Variants in MGAT4C observed in about 807,000 individuals in gnomAD.
MGAT4C encodes alpha-1,3-mannosyl-glycoprotein 4-beta-N-acetylglucosaminyltransferase C.
A neutral mutation model predicts 40.1 loss-of-function variants in MGAT4C; 19 were observed. That is an observed-to-expected ratio of 0.47 (90% CI 0.33 to 0.70). The LOEUF (loss-of-function observed/expected upper bound fraction) is 0.70, where lower values mean the gene tolerates loss of function less well. MGAT4C is among the 30% of genes least tolerant of loss of function. MGAT4C has a pLI of 0.02. For synonymous variants in MGAT4C, 181 were observed against 187.1 expected, an observed-to-expected ratio of 0.97 and a Z score of 0.27; for missense variants, 491 against 563.2, an observed-to-expected ratio of 0.87 and a Z score of 1.30.
chr12:86,742,872 T>C (rs1402465054), intron 1 of MGAT4C, among the ~76,000 whole-genome samples: 1 of 151,674 alleles, frequency 6.6e-6, no homozygotes, highest in African/African-American at 2.4e-5. Flanking sequence ...TCACAGTTGA[T>C]TTGTTATTCC....
At chr12:86,114,554 A>G (rs1459234086) in intron 1 of MGAT4C, among the ~76,000 whole-genome samples, 1 of 151,948 alleles carries the variant, frequency 6.6e-6, no homozygotes, top group African/African-American at 2.4e-5. Flanking sequence ...ATCATCATTA[A>G]TTAGGCATTT....
intron 4 of MGAT4C, among the ~76,000 whole-genome samples, chr12:86,300,363 A>C (rs1410525009): frequency 6.6e-6 from 1 of 152,208 alleles, no homozygotes; most frequent in African/African-American, 2.4e-5. Context: ...GAAATTTAAA[A>C]AATGAAACAG....
intron 2 of MGAT4C, among the ~76,000 whole-genome samples, chr12:86,008,948 T>C (rs1208932031): frequency 1.3e-5 from 2 of 152,062 alleles, no homozygotes; most frequent in African/African-American, 4.8e-5. Context: ...ATACATTAAA[T>C]AATTATATAA....
At chr12:85,996,774 A>C (rs1186977060) in intron 2 of MGAT4C, among the ~76,000 whole-genome samples, 1 of 152,204 alleles carries the variant, frequency 6.6e-6, no homozygotes, top group Admixed American at 6.5e-5. Context: ...AAAGGATAAA[A>C]AAGGGAATAA....
At chr12:86,816,705 T>C (rs1024071957) in intron 1 of MGAT4C, among the ~76,000 whole-genome samples, 1 of 151,742 alleles carries the variant, frequency 6.6e-6, no homozygotes, top group African/African-American at 2.4e-5. Flanking sequence ...TGAATATTTT[T>C]GTGTGTTAAT....
At chr12:86,687,037 T>C (rs1197498489) in intron 2 of MGAT4C, among the ~76,000 whole-genome samples, 3 of 152,218 alleles carry the variant, frequency 2.0e-5, no homozygotes, top group African/African-American at 7.2e-5. Context: ...TATTGCCCTA[T>C]TCAGGGATTT....
intron 3 of MGAT4C, among the ~76,000 whole-genome samples, chr12:86,389,250 G>A (rs1019626700): frequency 1.3e-5 from 2 of 152,164 alleles, no homozygotes; most frequent in South Asian, 4.1e-4. Context: ...ACGTGTCCAT[G>A]TGTTGTCATC....
chr12:86,816,318 A>G (rs1952605903), intron 1 of MGAT4C, among the ~76,000 whole-genome samples: 1 of 151,864 alleles, frequency 6.6e-6, no homozygotes. Flanking sequence ...GTATCTACTT[A>G]TAACTTTTTA....
At chr12:86,203,839 C>T (rs942005987) in intron 1 of MGAT4C, among the ~76,000 whole-genome samples, 2 of 151,646 alleles carry the variant, frequency 1.3e-5, no homozygotes. Context: ...GGCCTGTAAT[C>T]CCAGCTACTC....
Position 85,963,722 on chromosome 12 carries a change from C to A in MGAT4C, c.*15567G>T, listed in dbSNP as rs1281109610. 2 of 151,604 alleles carry A rather than the reference C, an allele frequency of 1.3e-5. No individual in the cohort carries two copies. The highest frequency in any genetic ancestry group is 2.1e-4 in the South Asian group (1 of 4,818). The allele number at this position is 151,604 out of a possible 1,614,324, so 9.4% of individuals were successfully genotyped here. A position where few individuals can be genotyped will look rare whatever the true frequency, so the allele number is the denominator to read the frequency against. On this transcript the variant is annotated 3_prime_UTR_variant, in exon 5 of 5. Transcript: ENST00000611864. ...CAGATAATATAATTCAAATCATGAC[C>A]CCAGGGCTGATGAAGTCTTGTTGTA...
At chr12:86,723,433 G>A (rs1361047421) in intron 2 of MGAT4C, among the ~76,000 whole-genome samples, 2 of 152,158 alleles carry the variant, frequency 1.3e-5, no homozygotes, top group African/African-American at 4.8e-5. Context: ...CCCTTTGAAG[G>A]TTCCAGGAAA....
intron 2 of MGAT4C, among the ~76,000 whole-genome samples, chr12:86,718,199 A>G (rs1435398862): frequency 1.3e-5 from 2 of 152,204 alleles, no homozygotes; most frequent in East Asian, 3.9e-4. Context: ...CATGATGGTA[A>G]AATAAACTCT....
intron 2 of MGAT4C, among the ~76,000 whole-genome samples, chr12:86,556,370 C>T (rs1169546172): frequency 6.6e-6 from 1 of 152,156 alleles, no homozygotes; most frequent in East Asian, 1.9e-4. Flanking sequence ...AGACCTATAA[C>T]TTACTTCACA....
At chr12:86,621,965 G>A (rs184425330) in intron 2 of MGAT4C, among the ~76,000 whole-genome samples, 60 of 152,210 alleles carry the variant, frequency 3.9e-4, no homozygotes, top group African/African-American at 1.2e-3. Context: ...TGATTATAAA[G>A]GTAAACAACT....
intron 2 of MGAT4C, among the ~76,000 whole-genome samples, chr12:86,666,143 C>T (rs1041083844): frequency 1.3e-5 from 2 of 152,150 alleles, no homozygotes; most frequent in African/African-American, 2.4e-5. Context: ...ATGAGGCGTG[C>T]TTCTTCATAC....
At chr12:86,665,733 A>G (rs554067526) in intron 2 of MGAT4C, among the ~76,000 whole-genome samples, 8 of 152,292 alleles carry the variant, frequency 5.3e-5, no homozygotes, top group African/African-American at 1.7e-4. Context: ...ATTTAATGCA[A>G]TTTCGATTCT....
intron 3 of MGAT4C, among the ~76,000 whole-genome samples, chr12:86,371,871 AG>A (rs1311394205): frequency 6.6e-6 from 1 of 152,004 alleles, no homozygotes; most frequent in East Asian, 1.9e-4. Flanking sequence ...AAGACCTGGA[AG>A]TTAGGTAATA....
At chr12:86,099,185 T>G (rs2135591835) in intron 1 of MGAT4C, among the ~76,000 whole-genome samples, 1 of 151,570 alleles carries the variant, frequency 6.6e-6, no homozygotes, top group African/African-American at 2.4e-5. Context: ...TAGAAAAATT[T>G]ATACAACTTT....
At chr12:86,281,678 G>A (rs767385967) in intron 4 of MGAT4C, among the ~76,000 whole-genome samples, 14 of 151,816 alleles carry the variant, frequency 9.2e-5, no homozygotes, top group Non-Finnish European at 1.6e-4. Flanking sequence ...CCATTATGCC[G>A]GATGTTTTTT....
Sources: allele counts gnomAD v4.1 joint callset (sites outside exome capture counted in the v4.1 genomes callset), GRCh38; gene constraint gnomAD v4.1.1; transcripts MANE v1.5; gene names NCBI Gene and HGNC (gene_info 2026-07-23, HGNC 2026-07-21).